IFRD1: variants seen among roughly 807,000 people sequenced by gnomAD.
The protein encoded by IFRD1 is interferon related developmental regulator 1, also known as interferon-related developmental regulator 1.
A neutral mutation model predicts 52.9 loss-of-function variants in IFRD1; 35 were observed. The observed-to-expected ratio is 0.66, with a 90% CI of 0.51 to 0.88. The LOEUF (loss-of-function observed/expected upper bound fraction) is 0.88. Among genes scored for constraint, IFRD1 ranks in the 40% least tolerant of loss-of-function variants. The probability of loss-of-function intolerance (pLI) is 0.00; values close to 1 mark genes in which losing one functional copy is unlikely to be tolerated. For missense variants in IFRD1, 517 were observed against 550.8 expected (o/e 0.94, Z 0.61); for synonymous variants, 184 against 188.4 (o/e 0.98, Z 0.19).
chr7:112,471,527 G>T (rs752702675), intron 9 of IFRD1, among the ~76,000 whole-genome samples: 2 of 151,972 alleles, frequency 1.3e-5, no homozygotes, highest in African/African-American at 2.4e-5. Context: ...ATTTACCAAA[G>T]AATTAAGTAG....
At chr7:112,471,235 T>C (rs1387594691) in intron 9 of IFRD1, among the ~76,000 whole-genome samples, 1 of 152,178 alleles carries the variant, frequency 6.6e-6, no homozygotes, top group African/African-American at 2.4e-5. Flanking sequence ...ATAACCCTCA[T>C]GCAGTATAGG....
At chr7:112,425,135 A>G (rs933878406) in intron 1 of IFRD1, among the ~76,000 whole-genome samples, 2 of 152,188 alleles carry the variant, frequency 1.3e-5, no homozygotes, top group African/African-American at 2.4e-5. Flanking sequence ...CCTCCCCAGT[A>G]GCTGGGATTA....
At chr7:112,453,095 A>G (rs1410657291) in intron 1 of IFRD1, among the ~76,000 whole-genome samples, 1 of 152,224 alleles carries the variant, frequency 6.6e-6, no homozygotes, top group Non-Finnish European at 1.5e-5. Flanking sequence ...CCTAACTAGT[A>G]TTTTTAAATG....
intron 1 of IFRD1, among the ~76,000 whole-genome samples, chr7:112,455,249 C>T (rs998439923): frequency 1.6e-4 from 25 of 151,806 alleles, no homozygotes; most frequent in Non-Finnish European, 4.4e-5. Flanking sequence ...TTTGGGAGGC[C>T]GAAGTGGGTG....
intron 11 of IFRD1, among the ~76,000 whole-genome samples, 177 bp from the exon 12 acceptor site, chr7:112,475,253 T>C (rs754111446): frequency 1.3e-5 from 2 of 152,216 alleles, no homozygotes; most frequent in Admixed American, 1.3e-4. Context: ...CCACCTTGCA[T>C]GGCCCCTGTT....
In IFRD1 at chr7:112,462,289, A is replaced by G. The variant is rs1272105845; in HGVS notation, c.817A>G (p.Ser273Gly). The change falls in exon 8 of 12, where the codon AGC (serine) becomes GGC (glycine). Residue 273 changes from serine to glycine, a missense_variant. Physicochemically the swap from Ser to Gly is moderately conservative, Grantham distance 56. Coordinates refer to ENST00000403825, the MANE Select transcript of IFRD1 (RefSeq NM_001550.4). ...KLEMHFHKLP[S>G]LLSCDDVNMR... ...TTTTAGGCATTTCCATAAGCTTCCA[A>G]GCCTCCTCTCTTGTGATGATGTAAA... The G allele has an allele frequency of 3.1e-6, 5 of 1,613,608 alleles. No individual in the cohort carries two copies. The highest frequency in any genetic ancestry group is 4.2e-6 in the Non-Finnish European group (5 of 1,179,746).
intron 1 of IFRD1, among the ~76,000 whole-genome samples, chr7:112,455,154 G>A (rs982558214): frequency 2.7e-5 from 4 of 150,782 alleles, no homozygotes; most frequent in African/African-American, 4.9e-5. Context: ...GGGAGCCACC[G>A]CGCCCACCTT....
At position 112,450,460 on chromosome 7, in the gene IFRD1, G is replaced by T. The variant is rs534028197; in HGVS notation, c.-229G>T. On this transcript the variant is annotated 5_prime_UTR_variant, in exon 1 of 12. Coordinates refer to ENST00000403825, the MANE Select transcript of IFRD1 (RefSeq NM_001550.4). The stretch of plus-strand genomic sequence containing the variant: ...AAGGCGTCGTGGCCTCCCCTGCCCC[G>T]CCTTAGCTCCCGCGCTAGAGAGAAA... The T allele has an allele frequency of 5.5e-4, 317 of 577,112 alleles. 1 individual carries two copies. The highest frequency in any genetic ancestry group is 6.3e-4 in the Non-Finnish European group (201 of 318,694). The allele number at this position is 577,112 out of a possible 1,614,324, so 35.7% of individuals were successfully genotyped here.
Position 112,475,531 on chromosome 7 carries a change from T to C in IFRD1, c.*12T>C. On this transcript the variant is annotated 3_prime_UTR_variant, in exon 12 of 12. Coordinates refer to ENST00000403825, the MANE Select transcript of IFRD1 (RefSeq NM_001550.4). ...GAGAATTCTTCTAGATTTTCAGAAC[T>C]TGAAGACTATTTTCTAATTTCTATT... is the stretch of plus-strand genomic sequence containing the variant. 6.8e-7 allele frequency: 1 copy of C among 1,476,084 alleles called. No homozygotes were observed. The highest frequency in any genetic ancestry group is 9.5e-7 in the Non-Finnish European group (1 of 1,056,620). 91.4% of individuals were successfully genotyped at this position (1,476,084 alleles called of 1,614,324 possible). A position where few individuals can be genotyped will look rare whatever the true frequency, so the allele number is the denominator to read the frequency against.
intron 1 of IFRD1, among the ~76,000 whole-genome samples, chr7:112,454,250 A>G (rs763774561): frequency 1.2e-4 from 19 of 152,018 alleles, no homozygotes; most frequent in East Asian, 3.9e-4. Flanking sequence ...AGGCAGTGCA[A>G]TGGTGCTATC....
chr7:112,441,077 C>A (rs182531966), intron 1 of IFRD1, among the ~76,000 whole-genome samples: 1 of 152,042 alleles, frequency 6.6e-6, no homozygotes, highest in African/African-American at 2.4e-5. Flanking sequence ...GATTTGAGAC[C>A]GTCCTGGCCA....
intron 11 of IFRD1, 46 bp from the exon 12 acceptor site, chr7:112,475,384 T>C (rs1388838367): frequency 9.4e-7 from 1 of 1,059,070 alleles, no homozygotes; most frequent in Admixed American, 1.8e-5. Flanking sequence ...TTTGTAAGAA[T>C]ATCTTAAGTC....
At chr7:112,445,289 A>G (rs896536439) in intron 1 of IFRD1, among the ~76,000 whole-genome samples, 1 of 151,856 alleles carries the variant, frequency 6.6e-6, no homozygotes, top group African/African-American at 2.4e-5. Flanking sequence ...GATGGTCTCG[A>G]TCTCCTGACC....
chr7:112,427,167 G>A (rs1012406939), intron 1 of IFRD1, among the ~76,000 whole-genome samples: 29 of 152,228 alleles, frequency 1.9e-4, no homozygotes, highest in African/African-American at 6.8e-4. Flanking sequence ...ACAAGGGTGG[G>A]CAAGAGGGGG....
chr7:112,458,915 A>T lies in IFRD1; in HGVS notation c.464A>T (p.Gln155Leu). 1 of 1,614,048 alleles carries T rather than the reference A, an allele frequency of 6.2e-7. No individual in the cohort carries two copies. Among genetic ancestry groups the T allele is most frequent in the Non-Finnish European group, 8.5e-7 (1 of 1,179,912 alleles). ...GCGTTAGCATCTGTTCTTTGTATTCAGCTGGGCCCTGGAATTGAAAGTGAA... is the reference window on the plus strand; with the variant it reads ...GCGTTAGCATCTGTTCTTTGTATTCTGCTGGGCCCTGGAATTGAAAGTGAA... ...AAALASVLCI[Q>L]LGPGIESEEI... The change falls in exon 5 of 12, where the codon CAG becomes CTG. Residue 155 changes from glutamine to leucine, a missense_variant. Coordinates refer to ENST00000403825, the MANE Select transcript of IFRD1 (RefSeq NM_001550.4).
intron 11 of IFRD1, among the ~76,000 whole-genome samples, chr7:112,475,209 C>T (rs766017004): frequency 2.6e-5 from 4 of 152,290 alleles, no homozygotes; most frequent in East Asian, 1.9e-4. Context: ...TCGCCCACCT[C>T]GGCCTCCCAG....
chr7:112,454,019 G>A (rs1050329904), intron 1 of IFRD1, among the ~76,000 whole-genome samples: 4 of 152,132 alleles, frequency 2.6e-5, no homozygotes, highest in Non-Finnish European at 4.4e-5. Context: ...GGTCACTTTT[G>A]GGGCAGAATT....
chr7:112,454,959 G>A (rs1005654391), intron 1 of IFRD1, among the ~76,000 whole-genome samples: 1 of 143,278 alleles, frequency 7.0e-6, no homozygotes, highest in Non-Finnish European at 1.5e-5. Flanking sequence ...GTCTGCCTCC[G>A]AGGCTCAAGC....
At chr7:112,456,759 T>G (rs1422463030) in intron 3 of IFRD1, among the ~76,000 whole-genome samples, 155 bp from the exon 4 acceptor site, 1 of 142,412 alleles carries the variant, frequency 7.0e-6, no homozygotes, top group Non-Finnish European at 1.6e-5. Flanking sequence ...TAGATGGAAA[T>G]TAAATTATAT....
Sources: allele counts gnomAD v4.1 joint callset (sites outside exome capture counted in the v4.1 genomes callset), GRCh38; gene constraint gnomAD v4.1.1; transcripts MANE v1.5; gene names NCBI Gene and HGNC (gene_info 2026-07-23, HGNC 2026-07-21).